TRPM3: variants seen among roughly 807,000 people sequenced by gnomAD.
TRPM3 encodes transient receptor potential cation channel subfamily M member 3.
Under a neutral mutation model 181.2 loss-of-function variants are expected in TRPM3, and 77 were observed. That is an observed-to-expected ratio of 0.42 (90% CI 0.35 to 0.51). TRPM3 has a LOEUF of 0.51. Ranked by LOEUF, TRPM3 falls within the 20% of genes least tolerant of loss-of-function variation. The pLI, the probability that TRPM3 is intolerant of heterozygous loss-of-function variation, is 0.01. For synonymous variants in TRPM3, 745 were observed against 796.4 expected (o/e 0.94, Z 1.09); for missense variants, 1,759 against 2,196.7 (o/e 0.80, Z 3.98).
intron 1 of TRPM3, among the ~76,000 whole-genome samples, chr9:71,414,171 T>A (rs2093604036): frequency 6.6e-6 from 1 of 152,118 alleles, no homozygotes; most frequent in African/African-American, 2.4e-5. Flanking sequence ...TCCTGTGGTC[T>A]ACAAAGCTAA....
At chr9:71,412,380 A>G (rs2093567652) in intron 1 of TRPM3, among the ~76,000 whole-genome samples, 1 of 152,234 alleles carries the variant, frequency 6.6e-6, no homozygotes, top group Non-Finnish European at 1.5e-5. Context: ...AGAATCTACA[A>G]AGAACTTAAA....
At chr9:71,028,184 TCCAA>T (rs2056821891) in intron 1 of TRPM3, among the ~76,000 whole-genome samples, 2 of 152,066 alleles carry the variant, frequency 1.3e-5, no homozygotes, top group Non-Finnish European at 2.9e-5. Context: ...GAAAAGAAAT[TCCAA>T]CCAAGAATTT....
chr9:71,372,507 GGTT>G (rs112619939), intron 1 of TRPM3, among the ~76,000 whole-genome samples: 1 of 151,910 alleles, frequency 6.6e-6, no homozygotes, highest in Non-Finnish European at 1.5e-5. Flanking sequence ...TTTGGCTTTT[GGTT>G]GTTGTTGTTG....
At chr9:70,914,611 C>CAGCT (rs1444287612) in intron 1 of TRPM3, among the ~76,000 whole-genome samples, 1 of 152,138 alleles carries the variant, frequency 6.6e-6, no homozygotes, top group Non-Finnish European at 1.5e-5. Context: ...ACATAGGAGA[C>CAGCT]AGCTAGGGAG....
intron 1 of TRPM3, among the ~76,000 whole-genome samples, chr9:71,321,957 G>A (rs911050930): frequency 2.6e-5 from 4 of 152,076 alleles, no homozygotes; most frequent in African/African-American, 9.7e-5. Flanking sequence ...AGGAAAAAAT[G>A]AGGTAGGATA....
In TRPM3 at chr9:70,625,241, T is replaced by C; in HGVS notation, c.1759A>G (p.Thr587Ala). Reference sequence around the variant, plus strand: ...TAGAGGGTCCGGAAGCGCTTGCGCGTGTAGTTGCAGCGATAAGCCCCGCCC... The same window carrying C: ...TAGAGGGTCCGGAAGCGCTTGCGCGCGTAGTTGCAGCGATAAGCCCCGCCC... Reference protein sequence around the residue: ...LMGGAYRCNYTRKRFRTLYHN... With the variant: ...LMGGAYRCNYARKRFRTLYHN... The change falls in exon 14 of 26, where the codon ACG (threonine) becomes GCG (alanine). Residue 587 changes from threonine (T) to alanine (A), a missense_variant. Physicochemically the swap from Thr to Ala is moderately conservative, Grantham distance 58 (BLOSUM62 0). Transcript: ENST00000677713. The surrounding 1 kb of genome is among the most constrained non-coding windows in gnomAD (Gnocchi z 4.8). The C allele has an allele frequency of 6.2e-7, 1 of 1,614,132 alleles. No individual in the cohort carries two copies. Among genetic ancestry groups the C allele is most frequent in the Non-Finnish European group, 8.5e-7 (1 of 1,180,028 alleles).
rs1001057943 is a variant in TRPM3, at chr9:71,316,867, G to T, written c.183+129786C>A. ...TCATAAGAATTAATCTCATCGTAAA[G>T]AAAAAAAATCCTGTGGGCCACCTGC... On this transcript the variant is annotated intron_variant, in intron 1 of 24. Transcript: ENST00000357533. 1.6e-4 allele frequency among the ~76,000 whole-genome samples: 24 copies of T among 151,912 alleles called. 1 individual carries two copies. Among genetic ancestry groups the T allele is most frequent in the African/African-American group, 5.8e-4 (24 of 41,374 alleles).
chr9:71,389,587 C>T (rs544160374), intron 1 of TRPM3, among the ~76,000 whole-genome samples: 1 of 152,228 alleles, frequency 6.6e-6, no homozygotes, highest in South Asian at 2.1e-4. Flanking sequence ...AACCCAAATG[C>T]CCATCAATCA....
At chr9:71,440,646 T>C (rs2094124106) in intron 1 of TRPM3, among the ~76,000 whole-genome samples, 1 of 152,242 alleles carries the variant, frequency 6.6e-6, no homozygotes, top group Non-Finnish European at 1.5e-5. Context: ...CTCTGTGTTG[T>C]CACTTTGCAT....
chr9:70,617,316 C>A (rs2062939756), intron 17 of TRPM3, among the ~76,000 whole-genome samples: 1 of 152,056 alleles, frequency 6.6e-6, no homozygotes, highest in Admixed American at 6.5e-5. Context: ...CATCACAGAA[C>A]CTTTCTGTGA....
intron 1 of TRPM3, among the ~76,000 whole-genome samples, chr9:71,203,111 G>A (rs900866330): frequency 2.6e-5 from 4 of 152,170 alleles, no homozygotes; most frequent in Non-Finnish European, 4.4e-5. Context: ...GCATACATTT[G>A]TAGCTGGTTC....
intron 1 of TRPM3, among the ~76,000 whole-genome samples, chr9:71,153,099 A>C (rs1022538449): frequency 1.2e-4 from 19 of 152,082 alleles, no homozygotes; most frequent in Non-Finnish European, 2.4e-4. Flanking sequence ...CAGAGCAGTC[A>C]TAGTAATACT....
rs78484031 is a variant in TRPM3, at chr9:71,006,358, G to A, written c.177+114820C>T. On this transcript the variant is annotated intron_variant, in intron 1 of 25. Transcript: ENST00000677713. ...GTACTTATCAATAATAACCTTGAAT[G>A]TAAATGAATTAAATTCTCTAATTAA... is the stretch of plus-strand genomic sequence containing the variant. 5.0e-3 allele frequency among the ~76,000 whole-genome samples: 764 copies of A among 152,024 alleles called. 19 individuals are homozygous for A. The East Asian group carries it at 0.078, about 16-fold the overall frequency.
intron 22 of TRPM3, among the ~76,000 whole-genome samples, chr9:70,562,433 A>G (rs986029466): frequency 3.3e-5 from 5 of 152,170 alleles, no homozygotes; most frequent in Non-Finnish European, 7.3e-5. Context: ...TACCTGGGGA[A>G]AAAAAGGGAC....
chr9:71,095,714 G>A (rs1220013717), intron 1 of TRPM3, among the ~76,000 whole-genome samples: 3 of 146,526 alleles, frequency 2.0e-5, no homozygotes, highest in Non-Finnish European at 4.4e-5. Context: ...AGCTGACATT[G>A]CGTGACTGCA....
At chr9:70,557,885 T>C (rs4352910) in intron 22 of TRPM3, among the ~76,000 whole-genome samples, 35,454 of 152,170 alleles carry the variant, frequency 0.23, 4,824 homozygotes, top group Admixed American at 0.31. Flanking sequence ...CTAGTGGATA[T>C]TGACTGGTTC....
At chr9:71,008,635 G>A (rs965933307) in intron 1 of TRPM3, among the ~76,000 whole-genome samples, 1 of 152,190 alleles carries the variant, frequency 6.6e-6, no homozygotes. Flanking sequence ...TTGAGCTCAG[G>A]AGTTCAAGAC....
chr9:71,045,093 T>G (rs2059282256), intron 1 of TRPM3, among the ~76,000 whole-genome samples: 1 of 149,980 alleles, frequency 6.7e-6, no homozygotes, highest in Non-Finnish European at 1.5e-5. Context: ...TTTTACTATT[T>G]ATTATTATTA....
chr9:70,669,742 CTTTT>C (rs1563922741), intron 9 of TRPM3, among the ~76,000 whole-genome samples: 2 of 136,700 alleles, frequency 1.5e-5, no homozygotes, highest in African/African-American at 5.8e-5. Context: ...TTCTTTCTTT[CTTTT>C]CTTTTTTTTT....
Sources: gnomAD v4.1 joint callset for allele counts (sites outside exome capture counted in the v4.1 genomes callset) on GRCh38, gnomAD v4.1.1 for gene constraint, Gnocchi (gnomAD v3.1) non-coding constraint, MANE v1.5 for transcripts, NCBI Gene and HGNC (gene_info 2026-07-23, HGNC 2026-07-21) for gene names.